The following SERINC5 variants were observed in gnomAD, a reference collection of about 807,000 sequenced individuals.
SERINC5 encodes chromosome 5 open reading frame 12.
In SERINC5, 41 loss-of-function variants were observed where a neutral mutation model predicts 63.1. The observed-to-expected ratio is 0.65, with a 90% confidence interval of 0.51 to 0.84. The LOEUF is 0.84. Ranked by LOEUF, SERINC5 falls within the 40% of genes least tolerant of loss-of-function variation. SERINC5 has a pLI of 0.00. For synonymous variants in SERINC5, 222 were observed against 215.2 expected, an observed-to-expected ratio of 1.03 and a Z score of -0.28; for missense variants, 523 against 573.0, an observed-to-expected ratio of 0.91 and a Z score of 0.89.
intron 11 of SERINC5, among the ~76,000 whole-genome samples, chr5:80,126,644 C>T (rs1239415820): frequency 6.6e-6 from 1 of 152,212 alleles, no homozygotes; most frequent in Non-Finnish European, 1.5e-5. Flanking sequence ...CTGTTCTGCA[C>T]ATACTACCAT....
chr5:80,146,040 T>C (rs763867699), intron 11 of SERINC5, 50 bp downstream of exon 11: 71 of 1,602,680 alleles, frequency 4.4e-5, no homozygotes, highest in Non-Finnish European at 5.7e-5. Context: ...TACTTAACTC[T>C]TAACTTTAAG....
chr5:80,231,611 G>A (rs1311765247), intron 1 of SERINC5, among the ~76,000 whole-genome samples: 9 of 149,970 alleles, frequency 6.0e-5, no homozygotes, highest in African/African-American at 2.0e-4. Flanking sequence ...TTCTTCCAAC[G>A]TACAGTCAAA....
Position 80,213,228 on chromosome 5 carries a change from A to T in SERINC5, c.28-10175T>A, listed in dbSNP as rs1750515164. Among the ~76,000 whole-genome samples, 6 of 87,320 alleles carry T rather than the reference A, an allele frequency of 6.9e-5. No individual in the cohort carries two copies. The South Asian group carries it at 1.9e-3, about 27-fold the overall frequency. The allele number at this position is 87,320 out of a possible 152,430, so 57.3% of individuals were successfully genotyped here. ...GCCACTGTACTCCAGCCTGGGCAAC[A>T]GGGCAAGACTGCATCTCAAAGAAAG... On this transcript the variant is annotated intron_variant, in intron 1 of 11. Coordinates refer to ENST00000507668, the MANE Select transcript of SERINC5 (RefSeq NM_001174072.3).
intron 1 of SERINC5, among the ~76,000 whole-genome samples, chr5:80,243,341 G>T (rs1001013118): frequency 3.3e-5 from 5 of 152,002 alleles, no homozygotes; most frequent in African/African-American, 1.2e-4. Flanking sequence ...CATCTGATTT[G>T]CATCCCTTCA....
chr5:80,223,709 A>T (rs1044427409), intron 1 of SERINC5, among the ~76,000 whole-genome samples: 5 of 152,192 alleles, frequency 3.3e-5, no homozygotes, highest in South Asian at 2.1e-4. Context: ...CGCATCCAGA[A>T]TGATTTGAAA....
intron 10 of SERINC5, 52 bp from the exon 11 acceptor site, chr5:80,146,286 C>A: frequency 6.2e-7 from 1 of 1,601,584 alleles, no homozygotes; most frequent in South Asian, 1.1e-5. Flanking sequence ...GTGTGTTTAC[C>A]ATTCAGCAAA....
At chr5:80,136,486 CAT>C (rs1177637098), downstream of SERINC5, among the ~76,000 whole-genome samples, 2 of 152,114 alleles carry the variant, frequency 1.3e-5, no homozygotes, top group East Asian at 1.9e-4. Flanking sequence ...TGGATAGCCA[CAT>C]GTTGAAGAAC....
intron 1 of SERINC5, among the ~76,000 whole-genome samples, chr5:80,253,406 G>A (rs566288984): frequency 1.1e-3 from 165 of 152,170 alleles, no homozygotes; most frequent in African/African-American, 3.3e-3. Context: ...TGACCAACTC[G>A]AACTGCTTTC....
chr5:80,140,701 G>A lies in SERINC5; in HGVS notation c.*2962C>T, dbSNP rs1000346149. Reference sequence around the variant, plus strand: ...AGTCTCCAGTCAGGTAACATGCCGCGGTATGACACTCCCATAAGAACCCCC... The same window carrying A: ...AGTCTCCAGTCAGGTAACATGCCGCAGTATGACACTCCCATAAGAACCCCC... On this transcript the variant is annotated 3_prime_UTR_variant, in exon 12 of 12. Coordinates refer to ENST00000507668, the MANE Select transcript of SERINC5 (RefSeq NM_001174072.3). 6 of 985,136 alleles carry A rather than the reference G, an allele frequency of 6.1e-6. No homozygotes were observed. The highest frequency in any genetic ancestry group is 7.2e-6 in the Non-Finnish European group (6 of 829,870). 61.0% of individuals were successfully genotyped at this position (985,136 alleles called of 1,614,324 possible). A position where few individuals can be genotyped will look rare whatever the true frequency, so the allele number is the denominator to read the frequency against.
At chr5:80,196,813 G>A (rs1366433076) in intron 2 of SERINC5, among the ~76,000 whole-genome samples, 2 of 151,676 alleles carry the variant, frequency 1.3e-5, no homozygotes, top group Non-Finnish European at 2.9e-5. Context: ...GGTAGTGCGC[G>A]CCTGTAATCC....
intron 2 of SERINC5, among the ~76,000 whole-genome samples, chr5:80,185,840 G>A (rs900492988): frequency 5.3e-5 from 8 of 151,132 alleles, no homozygotes; most frequent in Admixed American, 3.9e-4. Flanking sequence ...CAGTTAAGGC[G>A]GGGCAGGGCA....
chr5:80,138,726 G>T, downstream of SERINC5: 1 of 729,800 alleles, frequency 1.4e-6, no homozygotes, highest in Admixed American at 6.3e-5. Context: ...AAAACATCAT[G>T]TTGCACACCA....
At chr5:80,188,190 G>A (rs1237094255) in intron 2 of SERINC5, among the ~76,000 whole-genome samples, 1 of 150,520 alleles carries the variant, frequency 6.6e-6, no homozygotes, top group Non-Finnish European at 1.5e-5. Context: ...GGCTGAGACA[G>A]GAGAATCGCT....
rs767806972 is a variant in SERINC5, at chr5:80,143,267, G to A, written c.*396C>T. The A allele has an allele frequency of 1.7e-4, 172 of 1,002,008 alleles. No individual in the cohort carries two copies. Among genetic ancestry groups the A allele is most frequent in the Non-Finnish European group, 2.0e-4 (166 of 840,222 alleles). The allele number at this position is 1,002,008 out of a possible 1,614,324, so 62.1% of individuals were successfully genotyped here. On this transcript the variant is annotated 3_prime_UTR_variant, in exon 12 of 12. Coordinates refer to ENST00000507668, the MANE Select transcript of SERINC5 (RefSeq NM_001174072.3). ...GGGGTCTGGATTCTGTTAGGCGCTG[G>A]GGACTCAAGATTTTGGCATGTTTTT...
intron 1 of SERINC5, among the ~76,000 whole-genome samples, chr5:80,204,358 T>G (rs983688256): frequency 3.3e-5 from 5 of 152,144 alleles, no homozygotes; most frequent in African/African-American, 1.2e-4. Context: ...CTCTAGGTAG[T>G]TAGTGTCAGA....
downstream of SERINC5, among the ~76,000 whole-genome samples, chr5:80,111,397 G>A (rs1716288357): frequency 6.6e-6 from 1 of 152,178 alleles, no homozygotes; most frequent in African/African-American, 2.4e-5. Flanking sequence ...AAGTTAAAAA[G>A]ACAAATGGTT....
intron 1 of SERINC5, among the ~76,000 whole-genome samples, chr5:80,227,039 G>A (rs1751200501): frequency 6.6e-6 from 1 of 151,970 alleles, no homozygotes; most frequent in South Asian, 2.1e-4. Flanking sequence ...GGGATTATAG[G>A]TGCCCCCCAC....
chr5:80,131,268 ACC>A (rs1744938213), intron 11 of SERINC5, among the ~76,000 whole-genome samples: 1 of 151,938 alleles, frequency 6.6e-6, no homozygotes, highest in African/African-American at 2.4e-5. Context: ...TAAATGGTAG[ACC>A]CTACACACTC....
At chr5:80,196,694 T>C (rs190840270) in intron 2 of SERINC5, among the ~76,000 whole-genome samples, 16 of 152,210 alleles carry the variant, frequency 1.1e-4, no homozygotes, top group Non-Finnish European at 2.2e-4. Flanking sequence ...GTCGCAACAC[T>C]TTTGGAGGCC....
Sources: gnomAD v4.1 joint callset for allele counts (sites outside exome capture counted in the v4.1 genomes callset) on GRCh38, gnomAD v4.1.1 for gene constraint, MANE v1.5 for transcripts, NCBI Gene and HGNC (gene_info 2026-07-23, HGNC 2026-07-21) for gene names.